Variants in APBB1IP observed in about 807,000 individuals in gnomAD.
APBB1IP encodes amyloid beta A4 precursor protein-binding family B member 1-interacting protein.
APBB1IP carries 27 observed loss-of-function variants against 64.9 expected under a neutral mutation model. The ratio of observed to expected loss-of-function variants is 0.42; its 90% CI spans 0.31 to 0.57. The LOEUF is 0.57. Among genes scored for constraint, APBB1IP ranks in the 20% least tolerant of loss-of-function variants. The probability of loss-of-function intolerance (pLI) is 0.20; values close to 1 mark genes in which losing one functional copy is unlikely to be tolerated. For synonymous variants in APBB1IP, 392 were observed against 331.0 expected (o/e 1.18, Z -2.00); for missense variants, 812 against 845.5 (o/e 0.96, Z 0.49).
chr10:26,495,110 C>T (rs765708370), intron 3 of APBB1IP, among the ~76,000 whole-genome samples: 8 of 151,256 alleles, frequency 5.3e-5, no homozygotes, highest in East Asian at 2.0e-4. Flanking sequence ...CAGGTTCAAG[C>T]GATTCTCCTG....
At chr10:26,551,191 C>T (rs1353886771) in intron 11 of APBB1IP, among the ~76,000 whole-genome samples, 1 of 152,230 alleles carries the variant, frequency 6.6e-6, no homozygotes, top group Non-Finnish European at 1.5e-5. Context: ...GCTAGCCCCA[C>T]TCCCTCTCTT....
At chr10:26,447,668 C>T (rs999991930) in intron 2 of APBB1IP, among the ~76,000 whole-genome samples, 19 of 152,124 alleles carry the variant, frequency 1.2e-4, no homozygotes, top group African/African-American at 4.1e-4. Flanking sequence ...AAGCAAATTA[C>T]ATGTTTAACT....
intron 2 of APBB1IP, among the ~76,000 whole-genome samples, chr10:26,445,148 G>A (rs1589187767): frequency 1.8e-5 from 2 of 112,784 alleles, no homozygotes; most frequent in Admixed American, 8.8e-5. Flanking sequence ...AAGAAAGAAA[G>A]AAAGAAAGAA....
intron 2 of APBB1IP, among the ~76,000 whole-genome samples, chr10:26,449,700 C>T (rs1835443405): frequency 6.6e-6 from 1 of 152,172 alleles, no homozygotes; most frequent in African/African-American, 2.4e-5. Context: ...CAAATTTTCT[C>T]ATCAGAACCC....
chr10:26,524,323 G>C (rs572045000), intron 8 of APBB1IP, among the ~76,000 whole-genome samples: 13 of 152,056 alleles, frequency 8.5e-5, no homozygotes, highest in Middle Eastern at 3.4e-3. Flanking sequence ...AAAATAAACA[G>C]GCCTTGCTGA....
chr10:26,558,671 G>T (rs557513629), intron 11 of APBB1IP, among the ~76,000 whole-genome samples: 4 of 151,856 alleles, frequency 2.6e-5, no homozygotes, highest in Admixed American at 6.6e-5. Flanking sequence ...CAGCGACAGA[G>T]GAGGCTGAGG....
At chr10:26,490,519 G>A (rs1003075061) in intron 2 of APBB1IP, among the ~76,000 whole-genome samples, 3 of 152,132 alleles carry the variant, frequency 2.0e-5, no homozygotes, top group Admixed American at 6.5e-5. Flanking sequence ...CAGCTACTCA[G>A]GAGGCTGAGG....
chr10:26,513,403 C>G, intron 7 of APBB1IP, 136 bp from the exon 8 acceptor site: 1 of 866,676 alleles, frequency 1.2e-6, no homozygotes, highest in East Asian at 2.5e-5. Context: ...TACAGTGTGG[C>G]ATCATGTGAG....
Position 26,492,322 on chromosome 10 carries a change from T to C in APBB1IP, c.1-5T>C, listed in dbSNP as rs202161962. On this transcript the variant is annotated splice_region_variant and splice_polypyrimidine_tract_variant and intron_variant, in intron 2 of 14. Transcript: ENST00000376236. Reference sequence around the variant, plus strand: ...TGCTAATATCTCAGTTTCTTCCTTTTTCAGATGGGTGAGTCAAGTGAAGAC... The same window carrying C: ...TGCTAATATCTCAGTTTCTTCCTTTCTCAGATGGGTGAGTCAAGTGAAGAC... 4.1e-4 allele frequency: 661 copies of C among 1,613,360 alleles called. No homozygotes were observed. The highest frequency in any genetic ancestry group is 9.0e-4 in the South Asian group (82 of 90,994).
chr10:26,442,204 T>C (rs1416143507), intron 2 of APBB1IP, among the ~76,000 whole-genome samples: 2 of 152,148 alleles, frequency 1.3e-5, no homozygotes, highest in South Asian at 2.1e-4. Flanking sequence ...GAAGGTTGAA[T>C]AGAAGGAAAC....
chr10:26,468,688 A>G (rs1339682350), intron 2 of APBB1IP, among the ~76,000 whole-genome samples: 1 of 152,230 alleles, frequency 6.6e-6, no homozygotes, highest in Non-Finnish European at 1.5e-5. Context: ...AACCTAATAT[A>G]ACAGTAACTA....
At chr10:26,462,406 G>C (rs1835603700) in intron 2 of APBB1IP, among the ~76,000 whole-genome samples, 1 of 152,208 alleles carries the variant, frequency 6.6e-6, no homozygotes, top group South Asian at 2.1e-4. Flanking sequence ...TCAAGTTAAG[G>C]AAAACACTAA....
Position 26,511,847 on chromosome 10 carries a change from C to T in APBB1IP, c.632C>T (p.Thr211Ile). Reference sequence around the variant, plus strand: ...GTTCTGGACAACCTTTTCGAGAAAACTCATTGTGACTGCAATGTAGACTGG... The same window carrying T: ...GTTCTGGACAACCTTTTCGAGAAAATTCATTGTGACTGCAATGTAGACTGG... ...RDVLDNLFEK[T>I]HCDCNVDWCL... The change falls in exon 7 of 15, where the codon ACT (threonine) becomes ATT (isoleucine). Residue 211 changes from threonine to isoleucine, a missense_variant. Transcript: ENST00000376236. 1 of 1,614,178 alleles carries T rather than the reference C, an allele frequency of 6.2e-7. No homozygotes were observed. Among genetic ancestry groups the T allele is most frequent in the East Asian group, 2.2e-5 (1 of 44,880 alleles).
At chr10:26,562,206 C>G (rs762710068) in intron 13 of APBB1IP, 120 bp from the exon 14 acceptor site, 67 of 732,464 alleles carry the variant, frequency 9.1e-5, no homozygotes, top group Middle Eastern at 5.0e-4. Flanking sequence ...TTTGTAAGAA[C>G]TAGCCAACAA....
chr10:26,467,136 C>T (rs544374118), intron 2 of APBB1IP, among the ~76,000 whole-genome samples: 76 of 152,110 alleles, frequency 5.0e-4, no homozygotes, highest in African/African-American at 1.8e-3. Context: ...GAACTCCTGG[C>T]CTCAAGCGAT....
chr10:26,516,543 C>CAAAAAAAAAAAAAAAAAAAAAAAAA (rs71401901), intron 8 of APBB1IP, among the ~76,000 whole-genome samples: 9 of 47,198 alleles, frequency 1.9e-4, no homozygotes, highest in African/African-American at 7.4e-4. Flanking sequence ...GACTCCATCT[C>CAAAAAAAAAAAAAAAAAAAAAAAAA]AAAAAAAAAA....
intron 11 of APBB1IP, among the ~76,000 whole-genome samples, chr10:26,548,671 A>C (rs1836796152): frequency 6.6e-6 from 1 of 152,102 alleles, no homozygotes; most frequent in African/African-American, 2.4e-5. Context: ...AAATGCTACT[A>C]ATTTTTGTAT....
Position 26,500,914 on chromosome 10 carries a change from C to G in APBB1IP, c.256C>G (p.Gln86Glu). 7 of 1,614,210 alleles carry G rather than the reference C, an allele frequency of 4.3e-6. No homozygotes were observed. Among genetic ancestry groups the G allele is most frequent in the Non-Finnish European group, 5.9e-6 (7 of 1,180,038 alleles). Residue 86 changes from glutamine to glutamate, a missense_variant, in exon 5 of 15, where the codon CAG becomes GAG. This residue lies in a region of APBB1IP where 394 missense variants were observed against 413.1 expected (regional missense o/e 0.95). Transcript: ENST00000376236. ...SEAEQRTIQA[Q>E]KESLQNQHHS... ...GGCTGAGCAGAGGACAATCCAGGCA[C>G]AGAAAGAGTCCTTGCAGAATCAACA... is the stretch of plus-strand genomic sequence containing the variant.
At chr10:26,447,388 A>AAG in intron 2 of APBB1IP, among the ~76,000 whole-genome samples, 1 of 151,786 alleles carries the variant, frequency 6.6e-6, no homozygotes, top group East Asian at 1.9e-4. Flanking sequence ...AAAAAAAAAA[A>AAG]AAAAAAAAGA....
Sources: allele counts gnomAD v4.1 joint callset (sites outside exome capture counted in the v4.1 genomes callset), GRCh38; gene constraint gnomAD v4.1.1; regional missense constraint gnomAD v4.1.1; transcripts MANE v1.5; gene names NCBI Gene and HGNC (gene_info 2026-07-23, HGNC 2026-07-21).